Variants in DCTD observed in about 807,000 individuals in gnomAD.
DCTD encodes the protein deoxycytidylate deaminase.
A neutral mutation model predicts 21.0 loss-of-function variants in DCTD; 23 were observed. That is an observed-to-expected ratio of 1.09 (90% CI 0.79 to 1.55). The LOEUF is 1.55. Among genes scored for constraint, DCTD ranks in the 40% most tolerant of loss-of-function variants. The probability of loss-of-function intolerance (pLI) is 0.00; values close to 1 mark genes in which losing one functional copy is unlikely to be tolerated. For missense variants in DCTD, 224 were observed against 230.0 expected (o/e 0.97, Z 0.17); for synonymous variants, 71 against 81.1 (o/e 0.88, Z 0.67).
At chr4:182,915,375 C>T (rs569990064) in intron 2 of DCTD, 86 bp downstream of exon 2, 12 of 923,112 alleles carry the variant, frequency 1.3e-5, no homozygotes, top group South Asian at 1.2e-4. Flanking sequence ...AGTTGACAGG[C>T]GTCCACTGAG....
In DCTD at chr4:182,890,941, T is replaced by C. The variant is rs72705936; in HGVS notation, c.*458A>G. On this transcript the variant is annotated 3_prime_UTR_variant, in exon 6 of 6. Coordinates refer to ENST00000438320, the MANE Select transcript of DCTD (RefSeq NM_001921.3). ...AGGCCTAATTTTCTTCCAAGGGCAC[T>C]ATATGCCATGCTTCACTTGGGCCAG... 4.5e-3 allele frequency: 710 copies of C among 156,216 alleles called. 3 individuals carry two copies. Among genetic ancestry groups the C allele is most frequent in the Middle Eastern group, 0.013 (4 of 306 alleles). 9.7% of individuals were successfully genotyped at this position (156,216 alleles called of 1,614,324 possible).
At chr4:182,906,857 A>G (rs1736806997) in intron 3 of DCTD, among the ~76,000 whole-genome samples, 1 of 152,176 alleles carries the variant, frequency 6.6e-6, no homozygotes, top group African/African-American at 2.4e-5. Flanking sequence ...ACCTCCACTA[A>G]TTGGTTGGCA....
intron 3 of DCTD, among the ~76,000 whole-genome samples, chr4:182,911,699 A>G (rs1167337634): frequency 6.6e-6 from 1 of 152,208 alleles, no homozygotes; most frequent in Non-Finnish European, 1.5e-5. Flanking sequence ...ACCCTGAGAC[A>G]CTACTAAGGT....
In DCTD at chr4:182,915,570, T is replaced by C. The variant is rs1274182703; in HGVS notation, c.-2A>G. ...TTTCTTGCAGGAAACTTCACTCATG[T>C]TGGGTCTAGAAGAAAAACATGACAA... is the stretch of plus-strand genomic sequence containing the variant. On this transcript the variant is annotated 5_prime_UTR_variant, in exon 2 of 6. Coordinates refer to ENST00000438320, the MANE Select transcript of DCTD (RefSeq NM_001921.3). 2.5e-6 allele frequency: 4 copies of C among 1,600,986 alleles called. No homozygotes were observed. Among genetic ancestry groups the C allele is most frequent in the Admixed American group, 1.7e-5 (1 of 59,994 alleles).
At chr4:182,912,763 G>A (rs556855282) in intron 3 of DCTD, among the ~76,000 whole-genome samples, 3 of 152,314 alleles carry the variant, frequency 2.0e-5, no homozygotes, top group African/African-American at 7.2e-5. Context: ...GTACTGCATG[G>A]CCCTTGGCTT....
intron 1 of DCTD, chr4:182,916,418 C>G: frequency 2.0e-6 from 2 of 985,480 alleles, no homozygotes; most frequent in Non-Finnish European, 2.4e-6. Flanking sequence ...GGGGTGGGTA[C>G]CACGGAGAAA....
At chr4:182,904,521 G>A (rs1293831116) in intron 3 of DCTD, among the ~76,000 whole-genome samples, 1 of 152,140 alleles carries the variant, frequency 6.6e-6, no homozygotes, top group Non-Finnish European at 1.5e-5. Context: ...AAGAGGAGCT[G>A]GGATGTGTGT....
chr4:182,892,826 C>T (rs1277961687), intron 5 of DCTD, among the ~76,000 whole-genome samples: 2 of 152,208 alleles, frequency 1.3e-5, no homozygotes, highest in Non-Finnish European at 2.9e-5. Flanking sequence ...AAAGTACAAT[C>T]ATTAAACAAA....
chr4:182,913,931 C>CA (rs529020266), intron 3 of DCTD, among the ~76,000 whole-genome samples: 59 of 152,266 alleles, frequency 3.9e-4, no homozygotes, highest in Non-Finnish European at 6.9e-4. Context: ...AATCCAGAGA[C>CA]AGTCAAGCCA....
At position 182,893,058 on chromosome 4, in the gene DCTD, A is replaced by G; in HGVS notation, c.431T>C (p.Leu144Pro). ...GAATGTCACCCCGGCCATATTAAACAGGAGCCTCGCAGCAGTTGCCTCGTC... is the reference window on the plus strand; with the variant it reads ...GAATGTCACCCCGGCCATATTAAACGGGAGCCTCGCAGCAGTTGCCTCGTC... ...DSDEATAARL[L>P]FNMAGVTFRK... The change falls in exon 5 of 6, where the codon CTG becomes CCG. Residue 144 changes from leucine (L) to proline (P), a missense_variant. By Grantham distance (98) the Leu-to-Pro change is moderately conservative (BLOSUM62 -3). Coordinates refer to ENST00000438320, the MANE Select transcript of DCTD (RefSeq NM_001921.3). 6.2e-7 allele frequency: 1 copy of G among 1,612,756 alleles called. No homozygotes were observed. The highest frequency in any genetic ancestry group is 8.5e-7 in the Non-Finnish European group (1 of 1,179,212).
chr4:182,897,562 T>G (rs1734960556), intron 3 of DCTD, among the ~76,000 whole-genome samples: 1 of 151,932 alleles, frequency 6.6e-6, no homozygotes, highest in East Asian at 1.9e-4. Context: ...ATATGAACAG[T>G]AGTGTGTCGG....
chr4:182,909,402 T>C (rs1229553860), intron 3 of DCTD, among the ~76,000 whole-genome samples: 2 of 152,212 alleles, frequency 1.3e-5, no homozygotes, highest in East Asian at 1.9e-4. Flanking sequence ...TTCTTTTCTA[T>C]GCAGTTGTTC....
rs1043536317 is a variant in DCTD, at chr4:182,894,395, A to T, written c.361+94T>A. On this transcript the variant is annotated intron_variant, in intron 4 of 5. Coordinates refer to ENST00000438320, the MANE Select transcript of DCTD (RefSeq NM_001921.3). The stretch of plus-strand genomic sequence containing the variant: ...TGATAGTGCAATTAATTTAGATCTA[A>T]ACAATAGCAATTTAAGATCAAACAC... The T allele has an allele frequency of 1.2e-5, 9 of 764,518 alleles. No individual in the cohort carries two copies. In the Middle Eastern group the frequency reaches 7.0e-4, roughly 60 times the overall value. 47.4% of individuals were successfully genotyped at this position (764,518 alleles called of 1,614,324 possible).
intron 3 of DCTD, among the ~76,000 whole-genome samples, chr4:182,896,088 C>T (rs559918462): frequency 6.6e-6 from 1 of 152,324 alleles, no homozygotes; most frequent in South Asian, 2.1e-4. Flanking sequence ...GCCTGCCAAC[C>T]TTCTACACGT....
At chr4:182,898,103 T>C (rs1735068440) in intron 3 of DCTD, among the ~76,000 whole-genome samples, 1 of 152,190 alleles carries the variant, frequency 6.6e-6, no homozygotes, top group South Asian at 2.1e-4. Context: ...GAGTAAAGTT[T>C]GGGGATTCAT....
chr4:182,904,325 T>C (rs574573738), intron 3 of DCTD, among the ~76,000 whole-genome samples: 12 of 152,326 alleles, frequency 7.9e-5, no homozygotes, highest in African/African-American at 2.4e-4. Flanking sequence ...GCATCCACGG[T>C]AGGCCATGCC....
chr4:182,908,661 TGACAGAGCAA>T (rs1737137844), intron 3 of DCTD, among the ~76,000 whole-genome samples: 1 of 119,086 alleles, frequency 8.4e-6, no homozygotes, highest in African/African-American at 3.4e-5. Flanking sequence ...CCAGCCTGGG[TGACAGAGCAA>T]GACTCTGTCT....
At position 182,892,997 on chromosome 4, in the gene DCTD, AC is replaced by A. The variant is rs748417902; in HGVS notation, c.458+33del. On this transcript the variant is annotated intron_variant, in intron 5 of 5. Transcript: ENST00000438320. ...ACATCTCTTCATCAGCCTTCACCCT[AC>A]CCCGTCCCCCCGCCCGCATTCTCCC... 21 of 1,319,018 alleles carry A rather than the reference AC, an allele frequency of 1.6e-5. 1 individual carries two copies. The South Asian group carries it at 2.5e-4, about 16-fold the overall frequency. 81.7% of individuals were successfully genotyped at this position (1,319,018 alleles called of 1,614,324 possible).
chr4:182,892,097 A>G (rs1020406979), intron 5 of DCTD, among the ~76,000 whole-genome samples: 3 of 152,040 alleles, frequency 2.0e-5, no homozygotes, highest in African/African-American at 7.2e-5. Flanking sequence ...ATTTGAATTT[A>G]AAGTCTCAGA....
Sources: allele counts gnomAD v4.1 joint callset (sites outside exome capture counted in the v4.1 genomes callset), GRCh38; gene constraint gnomAD v4.1.1; transcripts MANE v1.5; gene names NCBI Gene and HGNC (gene_info 2026-07-23, HGNC 2026-07-21).